The following WWP2 variants were observed in gnomAD, a reference collection of about 807,000 sequenced individuals.
WWP2 encodes WW domain containing E3 ubiquitin protein ligase 2, also known as NEDD4-like E3 ubiquitin-protein ligase WWP2.
WWP2 carries 57 observed loss-of-function variants against 121.0 expected under a neutral mutation model. The observed-to-expected ratio is 0.47, with a 90% CI of 0.38 to 0.59. The LOEUF is 0.59. Ranked by LOEUF, WWP2 falls within the 20% of genes least tolerant of loss-of-function variation. The pLI is 0.00. For missense variants in WWP2, 962 were observed against 1,158.9 expected (o/e 0.83, Z 2.47); for synonymous variants, 449 against 441.3 (o/e 1.02, Z -0.22).
intron 4 of WWP2, among the ~76,000 whole-genome samples, chr16:69,802,505 C>A (rs1389241955): frequency 6.6e-6 from 1 of 152,058 alleles, no homozygotes; most frequent in African/African-American, 2.4e-5. Context: ...TGGAACCATA[C>A]AGTATTTGTC....
Position 69,823,551 on chromosome 16 carries a change from C to T in WWP2, c.341-16575C>T, listed in dbSNP as rs182526526. ...GTGGTGCGGTCTTGTTCACTGCAGCCTGTGCTCCTGGGTTCAAGCGATTCT... is the reference window on the plus strand; with the variant it reads ...GTGGTGCGGTCTTGTTCACTGCAGCTTGTGCTCCTGGGTTCAAGCGATTCT... On this transcript the variant is annotated intron_variant, in intron 4 of 23. Transcript: ENST00000359154. Among the ~76,000 whole-genome samples the T allele has an allele frequency of 2.2e-3, 333 of 151,970 alleles. 2 individuals carry two copies. The highest frequency in any genetic ancestry group is 5.4e-3 in the South Asian group (26 of 4,802).
chr16:69,867,020 G>A (rs1269711291), intron 6 of WWP2, among the ~76,000 whole-genome samples: 1 of 151,906 alleles, frequency 6.6e-6, no homozygotes, highest in African/African-American at 2.4e-5. Context: ...GTTTTTAGTA[G>A]AGTTGGGGTT....
At chr16:69,881,574 A>G (rs1311017298) in intron 7 of WWP2, among the ~76,000 whole-genome samples, 1 of 152,290 alleles carries the variant, frequency 6.6e-6, no homozygotes, top group African/African-American at 2.4e-5. Flanking sequence ...CCATGATTAT[A>G]TAAGATAGTA....
At chr16:69,886,948 T>A (rs1467452062) in intron 7 of WWP2, among the ~76,000 whole-genome samples, 1 of 152,224 alleles carries the variant, frequency 6.6e-6, no homozygotes, top group African/African-American at 2.4e-5. Flanking sequence ...TTCCTATGAA[T>A]TTCTAGTATA....
At chr16:69,846,881 C>T (rs1194590998) in intron 6 of WWP2, among the ~76,000 whole-genome samples, 1 of 151,932 alleles carries the variant, frequency 6.6e-6, no homozygotes, top group Non-Finnish European at 1.5e-5. Flanking sequence ...CCCAAGTGTT[C>T]ATTATTTTAT....
chr16:69,889,026 A>C (rs1406101794), intron 8 of WWP2, among the ~76,000 whole-genome samples: 1 of 152,162 alleles, frequency 6.6e-6, no homozygotes, highest in East Asian at 1.9e-4. Context: ...CCTTTAGTTC[A>C]GTCAGATGGC....
Position 69,937,788 on chromosome 16 carries a change from A to G in WWP2, c.2343+136A>G, listed in dbSNP as rs894488203. On this transcript the variant is annotated intron_variant, in intron 21 of 23. Transcript: ENST00000359154. This position sits in a 1 kb window ranked among gnomAD's most constrained non-coding sequence, Gnocchi z 6.6. The stretch of plus-strand genomic sequence containing the variant: ...CTCCCACACCTTGCAAAAGGAGACG[A>G]TAGACCAGCCTTGGGATGAACGGGG... The G allele has an allele frequency of 1.3e-6, 1 of 762,126 alleles. No homozygotes were observed. The highest frequency in any genetic ancestry group is 2.7e-5 in the East Asian group (1 of 36,538). 47.2% of individuals were successfully genotyped at this position (762,126 alleles called of 1,614,324 possible). A position where few individuals can be genotyped will look rare whatever the true frequency, so the allele number is the denominator to read the frequency against.
At position 69,935,127 on chromosome 16, in the gene WWP2, C is replaced by T. The variant is rs1204993137; in HGVS notation, c.1843-726C>T. Among the ~76,000 whole-genome samples, 2 of 152,186 alleles carry T rather than the reference C, an allele frequency of 1.3e-5. No homozygotes were observed. Among genetic ancestry groups the T allele is most frequent in the Admixed American group, 6.5e-5 (1 of 15,288 alleles). ...GAAGCGGAGCCCGTGGGAGGCACAGCGCGGGAGCCACATGCATAGCTGGAG... is the reference window on the plus strand; with the variant it reads ...GAAGCGGAGCCCGTGGGAGGCACAGTGCGGGAGCCACATGCATAGCTGGAG... On this transcript the variant is annotated intron_variant, in intron 17 of 23. Transcript: ENST00000359154. This position sits in a 1 kb window ranked among gnomAD's most constrained non-coding sequence, Gnocchi z 5.2.
At chr16:69,901,102 C>T (rs969186547) in intron 8 of WWP2, among the ~76,000 whole-genome samples, 4 of 152,130 alleles carry the variant, frequency 2.6e-5, no homozygotes, top group Non-Finnish European at 5.9e-5. Flanking sequence ...AATTATATTC[C>T]ACTGCAGACA....
At chr16:69,792,134 G>T (rs568091562) in intron 2 of WWP2, among the ~76,000 whole-genome samples, 2 of 152,114 alleles carry the variant, frequency 1.3e-5, no homozygotes, top group African/African-American at 4.8e-5. Flanking sequence ...GTGACTGCGC[G>T]GTTTCCAGTT....
chr16:69,775,915 T>C (rs1183762124), intron 1 of WWP2, among the ~76,000 whole-genome samples: 2 of 152,262 alleles, frequency 1.3e-5, no homozygotes, highest in Non-Finnish European at 2.9e-5. Flanking sequence ...TAATGATTGC[T>C]GTAACTGTTG....
chr16:69,921,380 T>C (rs1382847564), intron 10 of WWP2, among the ~76,000 whole-genome samples: 1 of 152,220 alleles, frequency 6.6e-6, no homozygotes, highest in East Asian at 1.9e-4. Context: ...CCTCCTCCTC[T>C]TGCTGGGCTT....
At chr16:69,831,827 C>CTTTTT (rs548609220) in intron 4 of WWP2, among the ~76,000 whole-genome samples, 9 of 109,066 alleles carry the variant, frequency 8.3e-5, no homozygotes, top group African/African-American at 1.5e-4. Flanking sequence ...AAAACAAAAC[C>CTTTTT]TTTTTTTTTT....
In WWP2 at chr16:69,937,139, C is replaced by G; in HGVS notation, c.2139C>G (p.Phe713Leu). 1 of 1,613,962 alleles carries G rather than the reference C, an allele frequency of 6.2e-7. No homozygotes were observed. The highest frequency in any genetic ancestry group is 8.5e-7 in the Non-Finnish European group (1 of 1,179,940). Residue 713 changes from phenylalanine (F) to leucine (L), a missense_variant, in exon 20 of 24, where the codon TTC becomes TTG. Physicochemically the swap from Phe to Leu is conservative, Grantham distance 22. This residue lies in a region of WWP2 where 606 missense variants were observed against 772.6 expected (regional missense o/e 0.78). Coordinates refer to ENST00000359154, the MANE Select transcript of WWP2 (RefSeq NM_001270454.2). This position sits in a 1 kb window ranked among gnomAD's most constrained non-coding sequence, Gnocchi z 6.6. ...TCAGGCTGCTGACTGACTGGCGTTT[C>G]ACCCGAGGCGTGGAAGAGCAGACCA... Reference protein sequence around the residue: ...EYIMLLTDWRFTRGVEEQTKA... With the variant: ...EYIMLLTDWRLTRGVEEQTKA...
chr16:69,763,909 C>T (rs1369726418), intron 1 of WWP2, among the ~76,000 whole-genome samples: 1 of 152,218 alleles, frequency 6.6e-6, no homozygotes, highest in Non-Finnish European at 1.5e-5. Flanking sequence ...TTGTGATTAT[C>T]TGTGTCATTG....
chr16:69,772,067 C>G (rs1356440142), intron 1 of WWP2, among the ~76,000 whole-genome samples: 1 of 138,268 alleles, frequency 7.2e-6, no homozygotes, highest in Non-Finnish European at 1.5e-5. Context: ...TCAAGCTATT[C>G]TCCTGCCTCG....
At chr16:69,823,766 C>G (rs549603387) in intron 4 of WWP2, among the ~76,000 whole-genome samples, 1 of 152,312 alleles carries the variant, frequency 6.6e-6, no homozygotes, top group African/African-American at 2.4e-5. Flanking sequence ...CCGTGCCCAG[C>G]CAAAAATTTT....
chr16:69,844,994 T>C (rs1329512298), intron 6 of WWP2, among the ~76,000 whole-genome samples: 2 of 152,214 alleles, frequency 1.3e-5, no homozygotes, highest in Non-Finnish European at 2.9e-5. Flanking sequence ...CACACATGCT[T>C]ATGACTGTAG....
At position 69,936,124 on chromosome 16, in the gene WWP2, A is replaced by G. The variant is rs988509052; in HGVS notation, c.1976+138A>G. ...CCAGCCTCTATAAGAGCTTGTGGAG[A>G]GGAATGTCCTCTGGGTTCCCTGGGG... On this transcript the variant is annotated intron_variant, in intron 18 of 23. Transcript: ENST00000359154. 1.9e-5 allele frequency: 27 copies of G among 1,458,894 alleles called. No individual in the cohort carries two copies. The African/African-American group carries it at 3.8e-4, about 21-fold the overall frequency. The allele number at this position is 1,458,894 out of a possible 1,614,324, so 90.4% of individuals were successfully genotyped here.
Sources: allele counts gnomAD v4.1 joint callset (sites outside exome capture counted in the v4.1 genomes callset), GRCh38; gene constraint gnomAD v4.1.1; regional missense constraint gnomAD v4.1.1; non-coding constraint Gnocchi (gnomAD v3.1); transcripts MANE v1.5; gene names NCBI Gene and HGNC (gene_info 2026-07-23, HGNC 2026-07-21).